The following TENM3 variants were observed in gnomAD, a reference collection of about 807,000 sequenced individuals.
The protein encoded by TENM3 is teneurin transmembrane protein 3.
Under a neutral mutation model 255.1 loss-of-function variants are expected in TENM3, and 63 were observed. The ratio of observed to expected loss-of-function variants is 0.25; its 90% CI spans 0.20 to 0.30. The LOEUF (loss-of-function observed/expected upper bound fraction) is 0.30, where lower values mean the gene tolerates loss of function less well. Ranked by LOEUF, TENM3 falls within the 10% of genes least tolerant of loss-of-function variation. The pLI is 1.00. For missense variants in TENM3, 2,929 were observed against 3,461.1 expected (o/e 0.85, Z 3.86); for synonymous variants, 1,306 against 1,322.3 (o/e 0.99, Z 0.27).
chr4:182,649,168 A>G (rs1003900629), intron 5 of TENM3, among the ~76,000 whole-genome samples: 7 of 135,406 alleles, frequency 5.2e-5, no homozygotes, highest in Non-Finnish European at 8.6e-5. Flanking sequence ...ATACATCCCA[A>G]TTCCAGACAA....
At chr4:181,592,413 A>G in the TENM3 span, among the ~76,000 whole-genome samples, 3 of 151,034 alleles carry the variant, frequency 2.0e-5, no homozygotes, top group African/African-American at 4.9e-5. Context: ...TTGCCTGGTC[A>G]CAAAAGCCTA....
the TENM3 span, among the ~76,000 whole-genome samples, chr4:181,624,634 C>T: frequency 5.9e-5 from 9 of 152,190 alleles, no homozygotes; most frequent in African/African-American, 9.7e-5. Context: ...AATAAAGCCA[C>T]GGTAACATTG....
the TENM3 span, among the ~76,000 whole-genome samples, chr4:181,752,783 A>AG: frequency 6.6e-6 from 1 of 152,100 alleles, no homozygotes; most frequent in Non-Finnish European, 1.5e-5. Flanking sequence ...TTTCCGAAAT[A>AG]GAAAAAAAAA....
the TENM3 span, among the ~76,000 whole-genome samples, chr4:181,623,412 A>G: frequency 1.3e-5 from 2 of 152,250 alleles, no homozygotes; most frequent in South Asian, 2.1e-4. Flanking sequence ...GAGCAGGTCT[A>G]TCACAGGAGG....
At chr4:182,499,988 G>A (rs1284276959) in intron 3 of TENM3, among the ~76,000 whole-genome samples, 5 of 152,038 alleles carry the variant, frequency 3.3e-5, no homozygotes, top group Non-Finnish European at 7.4e-5. Flanking sequence ...TTAGCAATAG[G>A]GCCAAAATCC....
intron 1 of TENM3, among the ~76,000 whole-genome samples, chr4:182,163,449 C>T (rs1376465533): frequency 1.3e-5 from 2 of 152,174 alleles, no homozygotes; most frequent in Admixed American, 6.5e-5. Flanking sequence ...TTTCCAAGCA[C>T]GAGGCGAGTC....
Position 182,726,420 on chromosome 4 carries a change from G to A in TENM3, c.2369-2545G>A, listed in dbSNP as rs940849452. On this transcript the variant is annotated intron_variant, in intron 13 of 27. Coordinates refer to ENST00000511685, the MANE Select transcript of TENM3 (RefSeq NM_001080477.4). The stretch of plus-strand genomic sequence containing the variant: ...TAGTTTTTGCTCCAGCCCTTGCTCC[G>A]CTTGCCTGGGGATGGCTCCATTCCC... 2.6e-4 allele frequency among the ~76,000 whole-genome samples: 31 copies of A among 118,326 alleles called. 1 individual carries two copies. Among genetic ancestry groups the A allele is most frequent in the East Asian group, 5.1e-4 (2 of 3,954 alleles). 77.6% of individuals were successfully genotyped at this position (118,326 alleles called of 152,430 possible).
intron 4 of TENM3, among the ~76,000 whole-genome samples, chr4:182,603,543 GAC>G (rs1177782706): frequency 6.6e-6 from 1 of 151,944 alleles, no homozygotes; most frequent in East Asian, 1.9e-4. Context: ...ACACTGTACC[GAC>G]ACAGTACTAC....
At chr4:181,631,018 G>A in the TENM3 span, among the ~76,000 whole-genome samples, 1 of 152,156 alleles carries the variant, frequency 6.6e-6, no homozygotes, top group East Asian at 1.9e-4. Context: ...TGGGTTCTCT[G>A]ATTGCGGTAT....
chr4:181,541,528 G>A, the TENM3 span, among the ~76,000 whole-genome samples: 1 of 152,114 alleles, frequency 6.6e-6, no homozygotes, highest in African/African-American at 2.4e-5. Context: ...TTTGTGTATG[G>A]TTTGGCAATT....
At chr4:182,189,122 T>G (rs1233410998) in intron 1 of TENM3, among the ~76,000 whole-genome samples, 1 of 152,148 alleles carries the variant, frequency 6.6e-6, no homozygotes, top group Non-Finnish European at 1.5e-5. Flanking sequence ...ATTTTTTGTA[T>G]TCACTGAAAT....
chr4:182,604,007 A>C (rs1748167202), intron 4 of TENM3, among the ~76,000 whole-genome samples: 1 of 152,122 alleles, frequency 6.6e-6, no homozygotes, highest in African/African-American at 2.4e-5. Flanking sequence ...CTTACAGTTT[A>C]TGTGAATTGC....
Position 182,792,217 on chromosome 4 carries a change from C to T in TENM3, c.5602-57C>T. On this transcript the variant is annotated intron_variant, in intron 25 of 27. Transcript: ENST00000511685. The surrounding 1 kb of genome is among the most constrained non-coding windows in gnomAD (Gnocchi z 6.3). ...TTCTGTGCATCTGTGGTCACTAAAT[C>T]TGCTTTTGCATCTCCCGTTCACAAA... is the stretch of plus-strand genomic sequence containing the variant. The T allele has an allele frequency of 6.7e-7, 1 of 1,500,750 alleles. No individual in the cohort carries two copies. The highest frequency in any genetic ancestry group is 2.3e-5 in the East Asian group (1 of 43,906). 93.0% of individuals were successfully genotyped at this position (1,500,750 alleles called of 1,614,324 possible). A position where few individuals can be genotyped will look rare whatever the true frequency, so the allele number is the denominator to read the frequency against.
At chr4:181,818,360 G>C in the TENM3 span, among the ~76,000 whole-genome samples, 3 of 152,094 alleles carry the variant, frequency 2.0e-5, no homozygotes, top group African/African-American at 7.2e-5. Flanking sequence ...AGGCTTCCCT[G>C]GAGAATAAAT....
intron 2 of TENM3, among the ~76,000 whole-genome samples, chr4:182,338,304 T>A (rs917910583): frequency 6.6e-6 from 1 of 152,184 alleles, no homozygotes; most frequent in South Asian, 2.1e-4. Context: ...CGCACTATAA[T>A]GTTTTGCTGG....
chr4:182,410,539 G>A (rs534471093), intron 3 of TENM3, among the ~76,000 whole-genome samples: 1 of 152,302 alleles, frequency 6.6e-6, no homozygotes, highest in South Asian at 2.1e-4. Flanking sequence ...TTTATAAAAA[G>A]GCATTTTCCT....
intron 1 of TENM3, among the ~76,000 whole-genome samples, chr4:182,200,025 G>C (rs561106052): frequency 6.6e-6 from 1 of 151,980 alleles, no homozygotes; most frequent in Non-Finnish European, 1.5e-5. Flanking sequence ...GTGCCCAGCC[G>C]CATATTTTAA....
At chr4:182,513,148 G>A (rs1301723826) in intron 3 of TENM3, among the ~76,000 whole-genome samples, 3 of 152,274 alleles carry the variant, frequency 2.0e-5, no homozygotes, top group East Asian at 3.9e-4. Flanking sequence ...AATAGTCTCA[G>A]TGTTTAACTA....
chr4:181,495,181 T>C, the TENM3 span, among the ~76,000 whole-genome samples: 1 of 152,178 alleles, frequency 6.6e-6, no homozygotes, highest in East Asian at 1.9e-4. Context: ...AACTACACAG[T>C]GGAAGAACCA....
Sources: gnomAD v4.1 joint callset for allele counts (sites outside exome capture counted in the v4.1 genomes callset) on GRCh38, gnomAD v4.1.1 for gene constraint, Gnocchi (gnomAD v3.1) non-coding constraint, MANE v1.5 for transcripts, NCBI Gene and HGNC (gene_info 2026-07-23, HGNC 2026-07-21) for gene names.